Variants in EFS observed in about 807,000 individuals in gnomAD.
The protein encoded by EFS is Cas scaffolding protein family member 3.
A neutral mutation model predicts 42.2 loss-of-function variants in EFS; 34 were observed. The ratio of observed to expected loss-of-function variants is 0.81; its 90% confidence interval spans 0.61 to 1.07. The LOEUF is 1.07. Ranked by LOEUF, EFS falls within the 50% of genes least tolerant of loss-of-function variation. The pLI is 0.00. For synonymous variants in EFS, 299 were observed against 320.7 expected (o/e 0.93, Z 0.72); for missense variants, 717 against 729.4 (o/e 0.98, Z 0.20).
At position 23,358,900 on chromosome 14, in the gene EFS, G is replaced by C. The variant is rs753618059; in HGVS notation, c.1227C>G (p.Pro409=). 3.1e-6 allele frequency: 5 copies of C among 1,612,338 alleles called. No homozygotes were observed. In the African/African-American group the frequency reaches 4.0e-5, roughly 13 times the overall value. The change falls in exon 5 of 6, where the codon CCC becomes CCG. Residue 409 remains proline, a synonymous_variant. Coordinates refer to ENST00000216733, the MANE Select transcript of EFS (RefSeq NM_005864.4). ...DQACTGDPEL[P]ERGMPAPQEA... ...CCTGCGGCGCCGGCATCCCCCTCTCGGGCAGTTCAGGATCCCCTGTGCAGG... is the reference window on the plus strand; with the variant it reads ...CCTGCGGCGCCGGCATCCCCCTCTCCGGCAGTTCAGGATCCCCTGTGCAGG...
Position 23,357,432 on chromosome 14 carries a change from G to T in EFS, c.1480C>A (p.Leu494Met). Residue 494 changes from leucine (L) to methionine (M), a missense_variant, in exon 6 of 6, where the codon CTG becomes ATG. Physicochemically the swap from Leu to Met is conservative, Grantham distance 15. Coordinates refer to ENST00000216733, the MANE Select transcript of EFS (RefSeq NM_005864.4). Reference protein sequence around the residue: ...LVFVGDTLGRLAASAPLRAQV... With the variant: ...LVFVGDTLGRMAASAPLRAQV... ...GCTCTCAGAGGGGCAGAGGCTGCCA[G>T]CCGGCCCAGGGTGTCCCCAACAAAC... 3 of 1,613,098 alleles carry T rather than the reference G, an allele frequency of 1.9e-6. No individual in the cohort carries two copies. Among genetic ancestry groups the T allele is most frequent in the Non-Finnish European group, 2.5e-6 (3 of 1,179,562 alleles).
chr14:23,365,030 T>G lies in EFS; in HGVS notation c.-5A>C. 1 of 1,332,938 alleles carries G rather than the reference T, an allele frequency of 7.5e-7. No homozygotes were observed. The highest frequency in any genetic ancestry group is 9.7e-7 in the Non-Finnish European group (1 of 1,031,264). The allele number at this position is 1,332,938 out of a possible 1,614,324, so 82.6% of individuals were successfully genotyped here. On this transcript the variant is annotated 5_prime_UTR_variant, in exon 1 of 6. Coordinates refer to ENST00000216733, the MANE Select transcript of EFS (RefSeq NM_005864.4). This position sits in a 1 kb window ranked among gnomAD's most constrained non-coding sequence, Gnocchi z 5.3. The stretch of plus-strand genomic sequence containing the variant: ...CACCGACGTGGCAATGGCCATGGCT[T>G]TGGCCTCCCGCGCAGCCTGCCTCAG...
At chr14:23,363,717 TGTTTGAGCCCAGGA>T (rs1465820469) in intron 1 of EFS, among the ~76,000 whole-genome samples, 1 of 152,070 alleles carries the variant, frequency 6.6e-6, no homozygotes, top group African/African-American at 2.4e-5. Context: ...GCGGATGGAT[TGTTTGAGCCCAGGA>T]GTTTGAGACC....
rs761476214 is a variant in EFS, at chr14:23,359,544, C to G, written c.934G>C (p.Val312Leu). 2 of 1,501,710 alleles carry G rather than the reference C, an allele frequency of 1.3e-6. No individual in the cohort carries two copies. The highest frequency in any genetic ancestry group is 1.8e-6 in the Non-Finnish European group (2 of 1,132,516). The allele number at this position is 1,501,710 out of a possible 1,614,324, so 93.0% of individuals were successfully genotyped here. ...LSRRPLPALP[V>L]PEAPSPSPVP... is the part of the protein sequence containing the mutation. Reference sequence around the variant, plus strand: ...GGGGAGGGGCTGGGGGCCTCAGGGACAGGCAGGGCAGGCAGAGGGCGGCGG... The same window carrying G: ...GGGGAGGGGCTGGGGGCCTCAGGGAGAGGCAGGGCAGGCAGAGGGCGGCGG... The change falls in exon 4 of 6, where the codon GTC becomes CTC. Residue 312 changes from valine to leucine, a missense_variant. Physicochemically the swap from Val to Leu is conservative, Grantham distance 32 (BLOSUM62 1). Transcript: ENST00000216733.
chr14:23,357,093 A>G lies in EFS; in HGVS notation c.*133T>C, dbSNP rs890776631. 1 of 814,266 alleles carries G rather than the reference A, an allele frequency of 1.2e-6. No individual in the cohort carries two copies. The highest frequency in any genetic ancestry group is 1.8e-6 in the Non-Finnish European group (1 of 554,200). 50.4% of individuals were successfully genotyped at this position (814,266 alleles called of 1,614,324 possible). ...GAAGACACCTCTGTGAGAGGTTGAG[A>G]TGAGCAGAAAGGGCAGGAAAGGGGA... On this transcript the variant is annotated 3_prime_UTR_variant, in exon 6 of 6. Transcript: ENST00000216733.
intron 5 of EFS, 36 bp downstream of exon 5, chr14:23,358,840 T>C (rs766650433): frequency 1.4e-5 from 22 of 1,567,600 alleles, no homozygotes; most frequent in East Asian, 2.2e-5. Context: ...CTCCCTCCCC[T>C]GTCCCCTTCT....
chr14:23,359,189 G>T, intron 4 of EFS, 128 bp downstream of exon 4: 2 of 1,440,836 alleles, frequency 1.4e-6, no homozygotes, highest in Non-Finnish European at 1.9e-6. Context: ...GGGGTCCCAG[G>T]CTGCAGGGTA....
Position 23,359,407 on chromosome 14 carries a change from C to G in EFS, c.1071G>C (p.Glu357Asp). The change falls in exon 4 of 6, where the codon GAG (glutamate) becomes GAC (aspartate). Residue 357 changes from glutamate (E) to aspartate (D), a missense_variant. By Grantham distance (45) the Glu-to-Asp change is conservative (BLOSUM62 2). Transcript: ENST00000216733. ...YGGPKVEGDP[E>D]GREMEDDPAG... The stretch of plus-strand genomic sequence containing the variant: ...CTGGGTCATCCTCCATCTCCCTGCC[C>G]TCTGGATCCCCCTCGACCTTGGGGC... 6.2e-7 allele frequency: 1 copy of G among 1,612,376 alleles called. No individual in the cohort carries two copies. Among genetic ancestry groups the G allele is most frequent in the Non-Finnish European group, 8.5e-7 (1 of 1,179,752 alleles).
At chr14:23,360,346 G>A in intron 2 of EFS, 65 bp from the exon 3 acceptor site, 1 of 1,550,500 alleles carries the variant, frequency 6.4e-7, no homozygotes, top group Non-Finnish European at 8.7e-7. Context: ...TAATGTCTGA[G>A]TGCGAGGAGC....
intron 4 of EFS, 49 bp from the exon 5 acceptor site, chr14:23,359,014 G>A (rs1307892679): frequency 6.6e-7 from 1 of 1,523,080 alleles, no homozygotes; most frequent in Non-Finnish European, 8.9e-7. Flanking sequence ...AGCAGGACGG[G>A]GTGGCCTCTG....
chr14:23,358,570 G>A (rs1890003869), intron 5 of EFS, among the ~76,000 whole-genome samples: 1 of 152,144 alleles, frequency 6.6e-6, no homozygotes, highest in South Asian at 2.1e-4. Flanking sequence ...GTTGGAAGGA[G>A]GCTCAGAAGT....
rs1329552315 is a variant in EFS at position 23,359,650 on chromosome 14, G to A, written c.828C>T (p.Asp276=). The stretch of plus-strand genomic sequence containing the variant: ...CCAGAAGCTGGGCCAGGGTGTCCTG[G>A]TCATGGGAGGCCAAGGCTCCAGGGG... ...PEPPGALASH[D]QDTLAQLLAR... The change falls in exon 4 of 6, where the codon GAC becomes GAT. Residue 276 remains aspartate (D), a synonymous_variant. Coordinates refer to ENST00000216733, the MANE Select transcript of EFS (RefSeq NM_005864.4). 1 of 1,510,078 alleles carries A rather than the reference G, an allele frequency of 6.6e-7. No individual in the cohort carries two copies. Among genetic ancestry groups the A allele is most frequent in the South Asian group, 1.3e-5 (1 of 74,558 alleles). 93.5% of individuals were successfully genotyped at this position (1,510,078 alleles called of 1,614,324 possible).
rs912505617 is a variant in EFS, at chr14:23,360,287, G to T, written c.298-6C>A. On this transcript the variant is annotated splice_polypyrimidine_tract_variant and splice_region_variant and intron_variant, in intron 2 of 5. Coordinates refer to ENST00000216733, the MANE Select transcript of EFS (RefSeq NM_005864.4). ...GGGGGCGGCACCACATACACCTGAG[G>T]GATCAAATAGATGGGGGGTCAGGAG... is the stretch of plus-strand genomic sequence containing the variant. The T allele has an allele frequency of 4.4e-6, 7 of 1,604,812 alleles. No homozygotes were observed. Among genetic ancestry groups the T allele is most frequent in the Non-Finnish European group, 6.0e-6 (7 of 1,175,724 alleles).
chr14:23,364,018 C>T (rs977654405), intron 1 of EFS, among the ~76,000 whole-genome samples: 2 of 151,986 alleles, frequency 1.3e-5, no homozygotes, highest in African/African-American at 4.8e-5. Context: ...CATTGGGTGG[C>T]TCTGTGCTTC....
chr14:23,360,033 C>T lies in EFS; in HGVS notation c.445G>A (p.Asp149Asn), dbSNP rs763985824. 1.1e-5 allele frequency: 18 copies of T among 1,612,568 alleles called. No homozygotes were observed. Among genetic ancestry groups the T allele is most frequent in the Admixed American group, 5.0e-5 (3 of 59,888 alleles). ...ACCCGGAGGGCGGTGGGGGGCACAT[C>T]GTAGACCTGCGGAAAGGAGTGGTCA... ...AAPRDALEVY[D>N]VPPTALRVPS... The change falls in exon 4 of 6, where the codon GAT (aspartate) becomes AAT (asparagine). Residue 149 changes from aspartate to asparagine, a missense_variant. By Grantham distance (23) the Asp-to-Asn change is conservative. Coordinates refer to ENST00000216733, the MANE Select transcript of EFS (RefSeq NM_005864.4).
rs1019499509 is a variant in EFS at position 23,356,454 on chromosome 14, C to T, written c.*772G>A. On this transcript the variant is annotated 3_prime_UTR_variant, in exon 6 of 6. Coordinates refer to ENST00000216733, the MANE Select transcript of EFS (RefSeq NM_005864.4). ...TATTTTAACTGACTTATTTGTGTAT[C>T]CCACTAGAACAATACATTCACAATA... 6.6e-6 allele frequency: 1 copy of T among 152,178 alleles called. No individual in the cohort carries two copies. Among genetic ancestry groups the T allele is most frequent in the African/African-American group, 2.4e-5 (1 of 41,434 alleles). 9.4% of individuals were successfully genotyped at this position (152,178 alleles called of 1,614,324 possible).
intron 1 of EFS, among the ~76,000 whole-genome samples, chr14:23,362,709 C>T (rs1423063707): frequency 6.6e-6 from 1 of 152,154 alleles, no homozygotes; most frequent in African/African-American, 2.4e-5. Flanking sequence ...CAGACCTGGG[C>T]TTGAGTCTTG....
At position 23,360,038 on chromosome 14, in the gene EFS, A is replaced by G. The variant is rs199973750; in HGVS notation, c.440T>C (p.Val147Ala). 425 of 1,613,184 alleles carry G rather than the reference A, an allele frequency of 2.6e-4. 12 individuals carry two copies. In the Admixed American group the frequency reaches 6.9e-3, roughly 26 times the overall value. ...QLAAPRDALE[V>A]YDVPPTALRV... ...GAGGGCGGTGGGGGGCACATCGTAGACCTGCGGAAAGGAGTGGTCAGTCAT... is the reference window on the plus strand; with the variant it reads ...GAGGGCGGTGGGGGGCACATCGTAGGCCTGCGGAAAGGAGTGGTCAGTCAT... Residue 147 changes from valine (V) to alanine (A), a missense_variant and splice_region_variant, in exon 4 of 6, where the codon GTC (valine) becomes GCC (alanine). Physicochemically the swap from Val to Ala is moderately conservative, Grantham distance 64. Coordinates refer to ENST00000216733, the MANE Select transcript of EFS (RefSeq NM_005864.4).
rs764192158 is a variant in EFS, at chr14:23,357,117, G to T, written c.*109C>A. On this transcript the variant is annotated 3_prime_UTR_variant, in exon 6 of 6. Coordinates refer to ENST00000216733, the MANE Select transcript of EFS (RefSeq NM_005864.4). The stretch of plus-strand genomic sequence containing the variant: ...GATGAGCAGAAAGGGCAGGAAAGGG[G>T]AAAGATACCCCCATTTCTCCTAGTC... 9.5e-5 allele frequency: 105 copies of T among 1,101,378 alleles called. 1 individual carries two copies. Among genetic ancestry groups the T allele is most frequent in the Middle Eastern group, 6.5e-4 (2 of 3,062 alleles). The allele number at this position is 1,101,378 out of a possible 1,614,324, so 68.2% of individuals were successfully genotyped here.
Sources: allele counts gnomAD v4.1 joint callset (sites outside exome capture counted in the v4.1 genomes callset), GRCh38; gene constraint gnomAD v4.1.1; non-coding constraint Gnocchi (gnomAD v3.1); transcripts MANE v1.5; gene names NCBI Gene and HGNC (gene_info 2026-07-23, HGNC 2026-07-21).